PCBP3: variants seen among roughly 807,000 people sequenced by gnomAD.
PCBP3 encodes poly(rC)-binding protein 3.
Under a neutral mutation model 52.7 loss-of-function variants are expected in PCBP3, and 25 were observed. That is an observed-to-expected ratio of 0.47 (90% confidence interval 0.35 to 0.66). The LOEUF is 0.66. PCBP3 is among the 30% of genes least tolerant of loss of function. The pLI is 0.01. For synonymous variants in PCBP3, 162 were observed against 183.0 expected, an observed-to-expected ratio of 0.89 and a Z score of 0.93; for missense variants, 391 against 490.3, an observed-to-expected ratio of 0.80 and a Z score of 1.91.
intron 2 of PCBP3, among the ~76,000 whole-genome samples, chr21:45,669,337 A>C (rs2080999311): frequency 6.6e-6 from 1 of 152,132 alleles, no homozygotes; most frequent in Non-Finnish European, 1.5e-5. Context: ...TTTCAGTTTT[A>C]GATTAAAAAA....
chr21:45,687,914 G>T (rs1008560883), intron 2 of PCBP3, among the ~76,000 whole-genome samples: 3 of 151,954 alleles, frequency 2.0e-5, no homozygotes, highest in African/African-American at 7.3e-5. Context: ...TGTATTTTTA[G>T]TAGAGACGGG....
At chr21:45,679,986 A>G (rs1190211134) in intron 2 of PCBP3, among the ~76,000 whole-genome samples, 1 of 152,162 alleles carries the variant, frequency 6.6e-6, no homozygotes, top group Non-Finnish European at 1.5e-5. Context: ...CAATTCTCCA[A>G]ATCATTTGAG....
chr21:45,662,672 C>T (rs1408571109), intron 1 of PCBP3, among the ~76,000 whole-genome samples: 1 of 151,992 alleles, frequency 6.6e-6, no homozygotes. Context: ...ATAATCCCCG[C>T]TCTACAATCA....
chr21:45,694,070 GAATA>G (rs920117618), intron 2 of PCBP3, among the ~76,000 whole-genome samples: 87 of 151,770 alleles, frequency 5.7e-4, no homozygotes, highest in African/African-American at 2.1e-3. Context: ...GATAACACTA[GAATA>G]AATAAAGAAG....
intron 4 of PCBP3, among the ~76,000 whole-genome samples, chr21:45,836,808 A>ATAGACT (rs1158385359): frequency 1.4e-4 from 21 of 152,036 alleles, no homozygotes; most frequent in Admixed American, 1.4e-3. Flanking sequence ...CAGTCCCTAC[A>ATAGACT]TAGACTTCCC....
intron 4 of PCBP3, among the ~76,000 whole-genome samples, chr21:45,849,524 T>C (rs990454704): frequency 2.0e-5 from 3 of 152,106 alleles, no homozygotes; most frequent in Admixed American, 1.3e-4. Context: ...GCCTTTTTTT[T>C]CCAAGTCTCT....
chr21:45,683,844 T>C (rs1213510742), intron 2 of PCBP3, among the ~76,000 whole-genome samples: 1 of 151,616 alleles, frequency 6.6e-6, no homozygotes, highest in African/African-American at 2.4e-5. Flanking sequence ...GAGAATGGCA[T>C]GAACCCGGGA....
intron 5 of PCBP3, among the ~76,000 whole-genome samples, chr21:45,886,450 G>A (rs1190177280): frequency 8.9e-5 from 13 of 146,726 alleles, no homozygotes; most frequent in Non-Finnish European, 1.8e-4. Context: ...AGGATGTGGT[G>A]AGGTGTGGAG....
At chr21:45,849,138 A>G (rs1468029989) in intron 4 of PCBP3, among the ~76,000 whole-genome samples, 1 of 151,470 alleles carries the variant, frequency 6.6e-6, no homozygotes, top group Non-Finnish European at 1.5e-5. Flanking sequence ...TCTGTAGGAA[A>G]CTGAATTTCT....
At position 45,853,465 on chromosome 21, in the gene PCBP3, G is replaced by A. The variant is rs1053717856; in HGVS notation, c.10+3370G>A. ...GTGAGAGCAGAGATTTACTGAAAAT[G>A]AGAGCACAGTCCACAGGGTGGGAGC... On this transcript the variant is annotated intron_variant, in intron 5 of 17. Coordinates refer to ENST00000681687, the MANE Select transcript of PCBP3 (RefSeq NM_001384156.1). The surrounding 1 kb of genome is among the most constrained non-coding windows in gnomAD (Gnocchi z 4.6). Among the ~76,000 whole-genome samples, 1 of 152,226 alleles carries A rather than the reference G, an allele frequency of 6.6e-6. No homozygotes were observed. Among genetic ancestry groups the A allele is most frequent in the African/African-American group, 2.4e-5 (1 of 41,454 alleles).
intron 4 of PCBP3, 136 bp from the exon 5 acceptor site, chr21:45,849,825 A>G: frequency 2.0e-6 from 1 of 505,026 alleles, no homozygotes; most frequent in Non-Finnish European, 3.6e-6. Context: ...CCACACTCAC[A>G]CTGTGCCTTG....
chr21:45,933,052 G>A (rs890568248), intron 15 of PCBP3, among the ~76,000 whole-genome samples: 7 of 152,060 alleles, frequency 4.6e-5, no homozygotes, highest in African/African-American at 1.7e-4. Flanking sequence ...ATGCCGTTCT[G>A]AGATGAATGA....
chr21:45,664,028 T>TC (rs139725833), intron 1 of PCBP3, among the ~76,000 whole-genome samples: 29,574 of 149,164 alleles, frequency 0.2, 3,258 homozygotes, highest in Middle Eastern at 0.34. Context: ...TTCTTTTTTT[T>TC]TTTTTAACTG....
chr21:45,698,570 C>T (rs1052705723), intron 2 of PCBP3, among the ~76,000 whole-genome samples: 24 of 152,220 alleles, frequency 1.6e-4, no homozygotes, highest in Admixed American at 9.8e-4. Flanking sequence ...GAGCAGTCTA[C>T]GTGAGGTCTC....
chr21:45,790,377 C>G (rs1603428183), intron 4 of PCBP3, among the ~76,000 whole-genome samples: 1 of 152,120 alleles, frequency 6.6e-6, no homozygotes, highest in Non-Finnish European at 1.5e-5. Context: ...GAAGTTGTGT[C>G]CAGCACTTGC....
At chr21:45,914,080 C>A in intron 12 of PCBP3, 55 bp downstream of exon 12, 3 of 1,595,646 alleles carry the variant, frequency 1.9e-6, no homozygotes, top group Non-Finnish European at 2.6e-6. Context: ...TTTACTGCAG[C>A]ACCCGCCGCT....
At chr21:45,730,447 T>A (rs183682111) in intron 2 of PCBP3, among the ~76,000 whole-genome samples, 116 of 152,226 alleles carry the variant, frequency 7.6e-4, no homozygotes, top group Middle Eastern at 3.4e-3. Flanking sequence ...TTAAAAAAAA[T>A]TTTCAGAATA....
intron 2 of PCBP3, among the ~76,000 whole-genome samples, chr21:45,691,920 A>G (rs77215621): frequency 0.011 from 1,617 of 152,322 alleles, 15 homozygotes; most frequent in Non-Finnish European, 0.017. Context: ...GCAAGAAGCC[A>G]GGAGATGGAC....
chr21:45,921,312 G>A (rs1478750712), intron 13 of PCBP3, among the ~76,000 whole-genome samples: 1 of 152,004 alleles, frequency 6.6e-6, no homozygotes, highest in Non-Finnish European at 1.5e-5. Context: ...CACAGTGCCG[G>A]CTTATATACA....
Sources: allele counts gnomAD v4.1 joint callset (sites outside exome capture counted in the v4.1 genomes callset), GRCh38; gene constraint gnomAD v4.1.1; non-coding constraint Gnocchi (gnomAD v3.1); transcripts MANE v1.5; gene names NCBI Gene and HGNC (gene_info 2026-07-23, HGNC 2026-07-21).